Variants in ZNF503 observed in about 807,000 individuals in gnomAD.
ZNF503 encodes zinc finger protein 503.
A neutral mutation model predicts 34.4 loss-of-function variants in ZNF503; 15 were observed. The observed-to-expected ratio is 0.44, with a 90% CI of 0.29 to 0.67. The LOEUF is 0.67. Ranked by LOEUF, ZNF503 falls within the 30% of genes least tolerant of loss-of-function variation. ZNF503 has a pLI of 0.13. For synonymous variants in ZNF503, 580 were observed against 456.8 expected (o/e 1.27, Z -3.44); for missense variants, 1,007 against 926.8 (o/e 1.09, Z -1.12).
the ZNF503 span, among the ~76,000 whole-genome samples, chr10:75,335,218 G>A: frequency 5.9e-5 from 9 of 152,322 alleles, no homozygotes; most frequent in South Asian, 8.3e-4. Flanking sequence ...GTGTGTATGT[G>A]TGTAAACTTA....
At chr10:75,344,662 G>A in the ZNF503 span, among the ~76,000 whole-genome samples, 1 of 152,220 alleles carries the variant, frequency 6.6e-6, no homozygotes, top group Non-Finnish European at 1.5e-5. Flanking sequence ...TCTACCTCTA[G>A]ATTTCATTAT....
Position 75,401,599 on chromosome 10 carries a change from G to A in ZNF503, c.-180C>T. 1 of 716,260 alleles carries A rather than the reference G, an allele frequency of 1.4e-6. No homozygotes were observed. Among genetic ancestry groups the A allele is most frequent in the Non-Finnish European group, 2.3e-6 (1 of 441,552 alleles). 44.4% of individuals were successfully genotyped at this position (716,260 alleles called of 1,614,324 possible). On this transcript the variant is annotated 5_prime_UTR_variant, in exon 1 of 2. Transcript: ENST00000372524. ...GAGCCAGACGCGAGTAATCCTGGGTGGCCCGCAGCGGAGCCGTGGCCGGGC... is the reference window on the plus strand; with the variant it reads ...GAGCCAGACGCGAGTAATCCTGGGTAGCCCGCAGCGGAGCCGTGGCCGGGC...
chr10:75,283,940 T>C, the ZNF503 span: 1 of 152,208 alleles, frequency 6.6e-6, no homozygotes, highest in Non-Finnish European at 1.5e-5. Flanking sequence ...ATTTTTCTCA[T>C]TCATGCCAAA....
the ZNF503 span, among the ~76,000 whole-genome samples, chr10:75,369,982 G>A: frequency 2.6e-5 from 4 of 152,060 alleles, no homozygotes; most frequent in Non-Finnish European, 2.9e-5. Flanking sequence ...CAGGAGAATC[G>A]CTTGAACCCG....
the ZNF503 span, among the ~76,000 whole-genome samples, chr10:75,382,060 T>A: frequency 6.6e-6 from 1 of 152,068 alleles, no homozygotes; most frequent in East Asian, 1.9e-4. Context: ...TCCACTTGCC[T>A]TGGCCTCCCA....
the ZNF503 span, among the ~76,000 whole-genome samples, chr10:75,333,541 A>G: frequency 3.6e-5 from 2 of 55,784 alleles, no homozygotes; most frequent in Non-Finnish European, 6.7e-5. Context: ...GGCCGGGCAG[A>G]GGCGCCCCTC....
At chr10:75,311,352 C>T in the ZNF503 span, among the ~76,000 whole-genome samples, 4 of 152,198 alleles carry the variant, frequency 2.6e-5, no homozygotes, top group Non-Finnish European at 4.4e-5. Context: ...ATGTTAATCT[C>T]CTTTGGCAAC....
the ZNF503 span, among the ~76,000 whole-genome samples, chr10:75,354,622 A>T: frequency 7.9e-5 from 12 of 152,002 alleles, no homozygotes; most frequent in Admixed American, 7.9e-4. Context: ...AGGTGGGAGG[A>T]TCACTTGAGC....
the ZNF503 span, among the ~76,000 whole-genome samples, chr10:75,331,423 T>C: frequency 6.6e-5 from 10 of 152,376 alleles, no homozygotes; most frequent in Middle Eastern, 0.01. Context: ...CTATTTTGTA[T>C]TGGAGTCTAT....
the ZNF503 span, among the ~76,000 whole-genome samples, chr10:75,376,038 C>G: frequency 2.6e-5 from 4 of 152,300 alleles, no homozygotes; most frequent in South Asian, 8.3e-4. Flanking sequence ...CTAGAATCAG[C>G]CATCTCTAGC....
At chr10:75,391,049 C>T in the ZNF503 span, among the ~76,000 whole-genome samples, 3 of 152,316 alleles carry the variant, frequency 2.0e-5, no homozygotes, top group Admixed American at 1.3e-4. Context: ...ACCTTTATGA[C>T]TTCATTTAAC....
the ZNF503 span, among the ~76,000 whole-genome samples, chr10:75,339,429 C>T: frequency 1.2e-4 from 19 of 152,162 alleles, no homozygotes; most frequent in African/African-American, 3.6e-4. Flanking sequence ...AGGGGAGCTT[C>T]GGAAAGAAGA....
At chr10:75,297,555 A>G in the ZNF503 span, among the ~76,000 whole-genome samples, 1 of 152,220 alleles carries the variant, frequency 6.6e-6, no homozygotes, top group Non-Finnish European at 1.5e-5. Flanking sequence ...AAACTTGCTC[A>G]GGCTAGCTCT....
the ZNF503 span, among the ~76,000 whole-genome samples, chr10:75,348,673 G>A: frequency 2.6e-5 from 4 of 151,626 alleles, no homozygotes; most frequent in African/African-American, 9.7e-5. Flanking sequence ...CACCACGCCC[G>A]GCTAATTTTT....
chr10:75,342,938 T>A, the ZNF503 span, among the ~76,000 whole-genome samples: 24 of 152,322 alleles, frequency 1.6e-4, no homozygotes, highest in African/African-American at 5.5e-4. Context: ...TGCGTTAATG[T>A]GAACTTGATA....
Position 75,398,593 on chromosome 10 carries a change from TGTCGG to T in ZNF503, c.*151_*155del, listed in dbSNP as rs1430631551. The T allele has an allele frequency of 1.0e-5, 6 of 599,236 alleles. No individual in the cohort carries two copies. The highest frequency in any genetic ancestry group is 1.5e-5 in the Non-Finnish European group (6 of 409,802). The allele number at this position is 599,236 out of a possible 1,614,324, so 37.1% of individuals were successfully genotyped here. A position where few individuals can be genotyped will look rare whatever the true frequency, so the allele number is the denominator to read the frequency against. The stretch of plus-strand genomic sequence containing the variant: ...TGTCCCACCGGGTCTCGGTCGCTGC[TGTCGG>T]GTAGATAGATACGGTATACATTTCT... On this transcript the variant is annotated 3_prime_UTR_variant, in exon 2 of 2. Coordinates refer to ENST00000372524, the MANE Select transcript of ZNF503 (RefSeq NM_032772.6).
At position 75,399,017 on chromosome 10, in the gene ZNF503, G is replaced by C. The variant is rs1843742537; in HGVS notation, c.1673C>G (p.Ser558Trp). ...CGCGGCAGCGCTGGCCAGAGACGAC[G>C]AGCTGGGGTAGCCCGACAGCAGTTT... ...TDKLLSGYPS[S>W]SSLASAAAAA... Residue 558 changes from serine (S) to tryptophan (W), a missense_variant, in exon 2 of 2, where the codon TCG (serine) becomes TGG (tryptophan). Ser to Trp is a radical substitution (Grantham distance 177). Transcript: ENST00000372524. 1 of 1,610,102 alleles carries C rather than the reference G, an allele frequency of 6.2e-7. No individual in the cohort carries two copies. Among genetic ancestry groups the C allele is most frequent in the East Asian group, 2.2e-5 (1 of 44,842 alleles).
At chr10:75,362,855 G>A in the ZNF503 span, among the ~76,000 whole-genome samples, 616 of 152,258 alleles carry the variant, frequency 4.0e-3, 3 homozygotes, top group African/African-American at 0.014. Context: ...GAGGCTCCCC[G>A]TTCCTTCCTT....
Position 75,398,901 on chromosome 10 carries a change from C to CCAGCGCGTGGTGGGGGCTGCG in ZNF503, c.1768_1788dup (p.Arg590_Leu596dup). The CCAGCGCGTGGTGGGGGCTGCG allele has an allele frequency of 6.4e-7, 1 of 1,554,028 alleles. No individual in the cohort carries two copies. The highest frequency in any genetic ancestry group is 8.7e-7 in the Non-Finnish European group (1 of 1,153,168). On this transcript the variant is annotated inframe_insertion, in exon 2 of 2. Coordinates refer to ENST00000372524, the MANE Select transcript of ZNF503 (RefSeq NM_032772.6). ...TAGGGGTGGTAGCGGCTGCTGAGTC[C>CCAGCGCGTGGTGGGGGCTGCG]CAGCGCGTGGTGGGGGCTGCGCAGC... is the stretch of plus-strand genomic sequence containing the variant.
Sources: gnomAD v4.1 joint callset for allele counts (sites outside exome capture counted in the v4.1 genomes callset) on GRCh38, gnomAD v4.1.1 for gene constraint, MANE v1.5 for transcripts, NCBI Gene and HGNC (gene_info 2026-07-23, HGNC 2026-07-21) for gene names.